EPG5: variants seen among roughly 807,000 people sequenced by gnomAD.
EPG5 encodes the protein ectopic P-granules 5 autophagy tethering factor, also known as ectopic P granules protein 5 homolog.
In EPG5, 159 loss-of-function variants were observed where a neutral mutation model predicts 302.7. The ratio of observed to expected loss-of-function variants is 0.53; its 90% CI spans 0.46 to 0.60. The LOEUF (loss-of-function observed/expected upper bound fraction) is 0.60. Among genes scored for constraint, EPG5 ranks in the 20% least tolerant of loss-of-function variants. The probability of loss-of-function intolerance (pLI) is 0.00; values close to 1 mark genes in which losing one functional copy is unlikely to be tolerated. For synonymous variants in EPG5, 1,158 were observed against 1,136.8 expected (o/e 1.02, Z -0.37); for missense variants, 2,896 against 3,092.4 (o/e 0.94, Z 1.51).
At chr18:45,807,584 C>T in the EPG5 span, among the ~76,000 whole-genome samples, 2 of 152,200 alleles carry the variant, frequency 1.3e-5, no homozygotes, top group Admixed American at 6.5e-5. Flanking sequence ...AATACCAGAC[C>T]AGAGCCTGGT....
At chr18:45,885,510 TGA>T (rs2049198333) in intron 29 of EPG5, among the ~76,000 whole-genome samples, 1 of 152,196 alleles carries the variant, frequency 6.6e-6, no homozygotes, top group South Asian at 2.1e-4. Context: ...TAGATTTTAC[TGA>T]GAGTTATATT....
At chr18:45,937,613 G>T (rs1233540211) in intron 10 of EPG5, among the ~76,000 whole-genome samples, 1 of 151,598 alleles carries the variant, frequency 6.6e-6, no homozygotes, top group African/African-American at 2.4e-5. Flanking sequence ...CACCATGTTG[G>T]CCAGGCTGGT....
In EPG5 at chr18:45,870,685, T is replaced by C; in HGVS notation, c.6107A>G (p.Glu2036Gly). 1 of 1,613,068 alleles carries C rather than the reference T, an allele frequency of 6.2e-7. No homozygotes were observed. The highest frequency in any genetic ancestry group is 8.5e-7 in the Non-Finnish European group (1 of 1,179,522). Residue 2036 changes from glutamate to glycine, a missense_variant, in exon 36 of 44, where the codon GAA becomes GGA. Coordinates refer to ENST00000282041, the MANE Select transcript of EPG5 (RefSeq NM_020964.3). ...ALWLHLMHYC[E>G]ACTAPKMPEF... is the part of the protein sequence containing the mutation. ...TGGCATTTTGGGTGCTGTACATGCT[T>C]CACAATAATGCATCAGGTGCAACCA...
Position 45,934,770 on chromosome 18 carries a change from T to A in EPG5, c.2257+39A>T, listed in dbSNP as rs375169990. The A allele has an allele frequency of 3.2e-6, 5 of 1,563,530 alleles. No individual in the cohort carries two copies. The East Asian group carries it at 1.1e-4, about 35-fold the overall frequency. ...AGCCCTGAAGAGAAGCACAAAAAGA[T>A]AGGGAGAGCTGGACGCCGACTGCTC... On this transcript the variant is annotated intron_variant, in intron 11 of 43. Coordinates refer to ENST00000282041, the MANE Select transcript of EPG5 (RefSeq NM_020964.3).
chr18:45,934,305 A>G (rs1462962522), intron 11 of EPG5, among the ~76,000 whole-genome samples: 2 of 152,178 alleles, frequency 1.3e-5, no homozygotes, highest in Non-Finnish European at 2.9e-5. Context: ...AATAAAAAAT[A>G]AAAATAAATA....
rs746326692 is a variant in EPG5 at position 45,939,619 on chromosome 18, G to A, written c.2080C>T (p.His694Tyr). The change falls in exon 10 of 44, where the codon CAT becomes TAT. Residue 694 changes from histidine to tyrosine, a missense_variant. His to Tyr is a moderately conservative substitution (Grantham distance 83, BLOSUM62 2). Coordinates refer to ENST00000282041, the MANE Select transcript of EPG5 (RefSeq NM_020964.3). ...FDELFLRAVL[H>Y]VLKAKRLGIW... ...ACTTACCTTTTGGCCTTCAGCACAT[G>A]TAGGACAGCCCTCAAAAACAGTTCA... 1.9e-6 allele frequency: 3 copies of A among 1,614,130 alleles called. No homozygotes were observed. In the South Asian group the frequency reaches 3.3e-5, roughly 18 times the overall value.
the EPG5 span, among the ~76,000 whole-genome samples, chr18:45,805,355 G>A: frequency 6.7e-6 from 1 of 150,258 alleles, no homozygotes; most frequent in South Asian, 2.1e-4. Context: ...GAGGTATACA[G>A]GAACTCTCTG....
chr18:45,942,174 G>C (rs2050680206), intron 9 of EPG5, among the ~76,000 whole-genome samples: 1 of 151,952 alleles, frequency 6.6e-6, no homozygotes, highest in Non-Finnish European at 1.5e-5. Flanking sequence ...GCAGTGAGCC[G>C]AGATCGCACC....
chr18:45,958,301 CT>C (rs2051075182), intron 1 of EPG5, among the ~76,000 whole-genome samples: 1 of 152,056 alleles, frequency 6.6e-6, no homozygotes, highest in African/African-American at 2.4e-5. Context: ...TCCTAGCTAC[CT>C]TTTTTTGCAG....
rs776197663 is a variant in EPG5 at position 45,900,986 on chromosome 18, A to G, written c.4646+10T>C. On this transcript the variant is annotated intron_variant, in intron 26 of 43. Coordinates refer to ENST00000282041, the MANE Select transcript of EPG5 (RefSeq NM_020964.3). ...ATGGGAACATGATCCGTGAGGCTGC[A>G]TGGTCTTACCTGGCCTGCTGTTGCA... The G allele has an allele frequency of 2.1e-5, 33 of 1,601,998 alleles. No individual in the cohort carries two copies. Among genetic ancestry groups the G allele is most frequent in the Non-Finnish European group, 2.7e-5 (32 of 1,171,054 alleles).
At chr18:45,926,557 T>C (rs1481000594) in intron 13 of EPG5, among the ~76,000 whole-genome samples, 1 of 152,198 alleles carries the variant, frequency 6.6e-6, no homozygotes, top group East Asian at 1.9e-4. Flanking sequence ...CCAGGCATGA[T>C]GGCTCATGCC....
At chr18:45,934,048 G>C (rs1480358832) in intron 11 of EPG5, among the ~76,000 whole-genome samples, 1 of 152,070 alleles carries the variant, frequency 6.6e-6, no homozygotes, top group Admixed American at 6.5e-5. Context: ...ACAGCACTTG[G>C]GAGGCCGAAG....
In EPG5 at chr18:45,915,496, C is replaced by T; in HGVS notation, c.3693+15G>A. The T allele has an allele frequency of 6.4e-7, 1 of 1,551,880 alleles. No homozygotes were observed. On this transcript the variant is annotated intron_variant, in intron 20 of 43. Transcript: ENST00000282041. ...TCACAAAGATAACAAATGATCCTCTCAGTGAGTTTCCTACCTGAGTGGGCG... is the reference window on the plus strand; with the variant it reads ...TCACAAAGATAACAAATGATCCTCTTAGTGAGTTTCCTACCTGAGTGGGCG...
chr18:45,912,543 C>T, intron 21 of EPG5, 87 bp from the exon 22 acceptor site: 2 of 1,241,244 alleles, frequency 1.6e-6, no homozygotes, highest in Non-Finnish European at 2.2e-6. Context: ...ACTGAAACAC[C>T]AAACATTCTG....
At chr18:45,913,104 A>G (rs2049947390) in intron 21 of EPG5, among the ~76,000 whole-genome samples, 1 of 150,250 alleles carries the variant, frequency 6.7e-6, no homozygotes, top group Non-Finnish European at 1.5e-5. Context: ...AAAAAAAAAA[A>G]GAAAAAGAAA....
chr18:45,903,208 T>C (rs2049662777), intron 25 of EPG5, among the ~76,000 whole-genome samples: 1 of 152,068 alleles, frequency 6.6e-6, no homozygotes. Flanking sequence ...TATACCTTTC[T>C]ATATCATTTA....
At chr18:45,911,259 G>T (rs1445967552) in intron 22 of EPG5, among the ~76,000 whole-genome samples, 4 of 150,454 alleles carry the variant, frequency 2.7e-5, no homozygotes, top group Non-Finnish European at 5.9e-5. Context: ...AAGTAGCTGG[G>T]ATTACAAGCA....
At chr18:45,958,682 G>T (rs569241356) in intron 1 of EPG5, among the ~76,000 whole-genome samples, 2 of 152,292 alleles carry the variant, frequency 1.3e-5, no homozygotes, top group Admixed American at 1.3e-4. Context: ...TACACCTAAT[G>T]TGAGAGCTAA....
At chr18:45,936,440 A>C (rs912631837) in intron 10 of EPG5, among the ~76,000 whole-genome samples, 1 of 147,572 alleles carries the variant, frequency 6.8e-6, no homozygotes, top group Non-Finnish European at 1.5e-5. Context: ...GAATCTGCTA[A>C]GGAATGGCTG....
Sources: gnomAD v4.1 joint callset for allele counts (sites outside exome capture counted in the v4.1 genomes callset) on GRCh38, gnomAD v4.1.1 for gene constraint, MANE v1.5 for transcripts, NCBI Gene and HGNC (gene_info 2026-07-23, HGNC 2026-07-21) for gene names.